Variants in CREB5 observed in about 807,000 individuals in gnomAD.
CREB5 encodes cyclic AMP-responsive element-binding protein 5.
A neutral mutation model predicts 57.1 loss-of-function variants in CREB5; 19 were observed. The ratio of observed to expected loss-of-function variants is 0.33; its 90% CI spans 0.23 to 0.49. CREB5 has a LOEUF of 0.49. Ranked by LOEUF, CREB5 falls within the 20% of genes least tolerant of loss-of-function variation. The pLI is 0.99. For synonymous variants in CREB5, 238 were observed against 238.3 expected (o/e 1.00, Z 0.01); for missense variants, 579 against 671.6 (o/e 0.86, Z 1.52).
chr7:28,326,189 CTATCTA>C (rs1785599579), intron 1 of CREB5, among the ~76,000 whole-genome samples: 1 of 150,868 alleles, frequency 6.6e-6, no homozygotes, highest in Non-Finnish European at 1.5e-5. Flanking sequence ...ATCTATCTAT[CTATCTA>C]TCTATCTATC....
intron 7 of CREB5, among the ~76,000 whole-genome samples, chr7:28,729,524 C>T (rs769228719): frequency 6.6e-6 from 1 of 152,192 alleles, no homozygotes; most frequent in Admixed American, 6.5e-5. Context: ...TGTTTGCCTA[C>T]GGTGCCCCTT....
At chr7:28,752,486 G>A (rs1416537240) in intron 7 of CREB5, among the ~76,000 whole-genome samples, 1 of 152,192 alleles carries the variant, frequency 6.6e-6, no homozygotes, top group Non-Finnish European at 1.5e-5. Flanking sequence ...TAATTAATAT[G>A]TATCTCAGAA....
At position 28,471,381 on chromosome 7, in the gene CREB5, G is replaced by C. The variant is rs115003790; in HGVS notation, c.4-16794G>C. On this transcript the variant is annotated intron_variant, in intron 1 of 10. Coordinates refer to ENST00000357727, the MANE Select transcript of CREB5 (RefSeq NM_182898.4). ...CCCCTTTATTGAAAATGAGTTCACTGTACATGTGTGGATTCATTTCTGGGT... is the reference window on the plus strand; with the variant it reads ...CCCCTTTATTGAAAATGAGTTCACTCTACATGTGTGGATTCATTTCTGGGT... 7.7e-3 allele frequency among the ~76,000 whole-genome samples: 1,170 copies of C among 152,090 alleles called. 12 individuals carry two copies. Among genetic ancestry groups the C allele is most frequent in the African/African-American group, 0.026 (1,069 of 41,472 alleles).
intron 4 of CREB5, among the ~76,000 whole-genome samples, chr7:28,512,917 A>G (rs1792776114): frequency 6.6e-6 from 1 of 152,254 alleles, no homozygotes; most frequent in Admixed American, 6.5e-5. Context: ...TTAAAAGTGA[A>G]GTCCATCCCC....
intron 5 of CREB5, among the ~76,000 whole-genome samples, chr7:28,668,259 T>C (rs1583510093): frequency 6.6e-6 from 1 of 152,206 alleles, no homozygotes; most frequent in African/African-American, 2.4e-5. Context: ...CTAAAAGATA[T>C]ATAAGAAAAC....
chr7:28,448,583 G>A (rs1789616969), intron 1 of CREB5, among the ~76,000 whole-genome samples: 1 of 152,214 alleles, frequency 6.6e-6, no homozygotes, highest in South Asian at 2.1e-4. Flanking sequence ...TATGTTCTCT[G>A]AAGGACTTTT....
At chr7:28,541,122 TTTGA>T (rs775815305) in intron 4 of CREB5, among the ~76,000 whole-genome samples, 21 of 152,188 alleles carry the variant, frequency 1.4e-4, no homozygotes, top group Non-Finnish European at 2.6e-4. Context: ...AAAGACCTAA[TTTGA>T]TTGCTTGCAA....
At chr7:28,472,920 A>G (rs910211201) in intron 1 of CREB5, among the ~76,000 whole-genome samples, 5 of 152,082 alleles carry the variant, frequency 3.3e-5, no homozygotes, top group Non-Finnish European at 7.4e-5. Context: ...GCCTTCTTTC[A>G]GTCCCTCAGA....
chr7:28,659,815 TATAAGAAATAAAA>T (rs1182595447), intron 5 of CREB5, among the ~76,000 whole-genome samples: 1 of 152,098 alleles, frequency 6.6e-6, no homozygotes, highest in Non-Finnish European at 1.5e-5. Flanking sequence ...CTCCTCTTGA[TATAAGAAATAAAA>T]ATAAGAAATA....
At chr7:28,361,662 T>G (rs1231326103) in intron 1 of CREB5, among the ~76,000 whole-genome samples, 1 of 152,200 alleles carries the variant, frequency 6.6e-6, no homozygotes, top group African/African-American at 2.4e-5. Context: ...GTTCCTGTCT[T>G]TTTCAGGGCC....
chr7:28,582,488 T>G (rs1485542881), intron 5 of CREB5, among the ~76,000 whole-genome samples: 1 of 152,238 alleles, frequency 6.6e-6, no homozygotes, highest in Non-Finnish European at 1.5e-5. Context: ...AGTCTTATGA[T>G]AGGAAGCTTG....
intron 1 of CREB5, among the ~76,000 whole-genome samples, chr7:28,359,533 T>C (rs558627439): frequency 4.6e-5 from 7 of 152,284 alleles, no homozygotes; most frequent in Non-Finnish European, 1.0e-4. Context: ...AAGAACGAAA[T>C]TGAACTCTTA....
chr7:28,782,006 T>A (rs1363392874), intron 7 of CREB5, among the ~76,000 whole-genome samples: 1 of 151,460 alleles, frequency 6.6e-6, no homozygotes, highest in Non-Finnish European at 1.5e-5. Flanking sequence ...CCTCACGAGA[T>A]CTACCCCTCA....
chr7:28,703,666 C>T (rs1801971851), intron 5 of CREB5, among the ~76,000 whole-genome samples: 1 of 152,078 alleles, frequency 6.6e-6, no homozygotes, highest in African/African-American at 2.4e-5. Flanking sequence ...TGTCCCAGCT[C>T]AAGCAATCAG....
At position 28,804,214 on chromosome 7, in the gene CREB5, T is replaced by C; in HGVS notation, c.718T>C (p.Leu240=). The change falls in exon 8 of 11, where the codon TTG becomes CTG. Residue 240 remains leucine, a synonymous_variant. Coordinates refer to ENST00000357727, the MANE Select transcript of CREB5 (RefSeq NM_182898.4). The stretch of plus-strand genomic sequence containing the variant: ...TCTGTTTCAGAGGTTGAAGGCTGCA[T>C]TGACTCACCACCCTGCTGCCATGTC... ...SEAKMRLKAA[L]THHPAAMSNG... is the part of the protein sequence containing the mutation. The C allele has an allele frequency of 1.2e-6, 2 of 1,613,412 alleles. No individual in the cohort carries two copies. The highest frequency in any genetic ancestry group is 1.7e-6 in the Non-Finnish European group (2 of 1,179,384).
intron 5 of CREB5, among the ~76,000 whole-genome samples, chr7:28,661,478 G>A (rs781549649): frequency 1.2e-4 from 18 of 151,706 alleles, no homozygotes; most frequent in Non-Finnish European, 2.5e-4. Context: ...ATGTCAAGGG[G>A]GGAAACTGCT....
intron 5 of CREB5, among the ~76,000 whole-genome samples, chr7:28,603,165 A>G (rs903670289): frequency 6.6e-6 from 1 of 152,232 alleles, no homozygotes; most frequent in East Asian, 1.9e-4. Flanking sequence ...CACTCAAAAG[A>G]TGGCCTAATT....
Position 28,791,953 on chromosome 7 carries a change from A to G in CREB5, c.703-12246A>G, listed in dbSNP as rs547934373. ...CATTGAATTGTACACCATAAAGACA[A>G]TAGAAATGGAGACGTAAAAAGATAG... On this transcript the variant is annotated intron_variant, in intron 7 of 10. Transcript: ENST00000357727. Among the ~76,000 whole-genome samples the G allele has an allele frequency of 1.3e-4, 20 of 152,284 alleles. No homozygotes were observed. In the South Asian group the frequency reaches 3.5e-3, roughly 27 times the overall value.
intron 1 of CREB5, among the ~76,000 whole-genome samples, chr7:28,389,907 G>A (rs1472035140): frequency 6.6e-6 from 1 of 152,028 alleles, no homozygotes; most frequent in Admixed American, 6.6e-5. Context: ...CACACTGTAT[G>A]CCCTGTTGTG....
Sources: allele counts gnomAD v4.1 joint callset (sites outside exome capture counted in the v4.1 genomes callset), GRCh38; gene constraint gnomAD v4.1.1; transcripts MANE v1.5; gene names NCBI Gene and HGNC (gene_info 2026-07-23, HGNC 2026-07-21).